ISOC2: variants seen among roughly 807,000 people sequenced by gnomAD.
ISOC2 encodes isochorismatase domain containing 2.
Under a neutral mutation model 19.3 loss-of-function variants are expected in ISOC2, and 15 were observed. The ratio of observed to expected loss-of-function variants is 0.78; its 90% CI spans 0.52 to 1.20. ISOC2 has a LOEUF of 1.20. ISOC2 is among the 50% of genes most tolerant of loss of function. The pLI is 0.00. For missense variants in ISOC2, 285 were observed against 272.4 expected (o/e 1.05, Z -0.33); for synonymous variants, 106 against 115.8 (o/e 0.92, Z 0.54).
At chr19:55,453,489 T>C in intron 5 of ISOC2, 101 bp from the exon 6 acceptor site, 1 of 792,940 alleles carries the variant, frequency 1.3e-6, no homozygotes, top group Non-Finnish European at 1.9e-6. Flanking sequence ...TCTCGGACCT[T>C]CTGGCTAGCA....
chr19:55,453,483 G>A (rs906871121), intron 5 of ISOC2, 95 bp from the exon 6 acceptor site: 35 of 844,256 alleles, frequency 4.1e-5, no homozygotes, highest in Non-Finnish European at 5.0e-5. Context: ...TTCATCTCTC[G>A]GACCTTCTGG....
At chr19:55,458,089 G>GAA (rs1986120961) in intron 1 of ISOC2, among the ~76,000 whole-genome samples, 1 of 151,216 alleles carries the variant, frequency 6.6e-6, no homozygotes, top group Non-Finnish European at 1.5e-5. Flanking sequence ...AAGAAAAGAA[G>GAA]AGAAAGAAAA....
chr19:55,458,105 ACAGGCTGGTGAAGCCACCTGGC>A (rs1986121881), intron 1 of ISOC2, among the ~76,000 whole-genome samples: 1 of 152,032 alleles, frequency 6.6e-6, no homozygotes, highest in African/African-American at 2.4e-5. Flanking sequence ...GAAAAAAAGG[ACAGGCTGGTGAAGCCACCTGGC>A]CAGCAATTCT....
Position 55,453,284 on chromosome 19 carries a change from C to A in ISOC2, c.*24G>T, listed in dbSNP as rs1985927564. On this transcript the variant is annotated 3_prime_UTR_variant, in exon 6 of 6. Transcript: ENST00000425675. ...GAGGTCCGGGTGACAGGAGGGTGGT[C>A]TTCCCTCAAGGCAGGGTTGGAGTTC... The A allele has an allele frequency of 6.4e-7, 1 of 1,573,546 alleles. No individual in the cohort carries two copies. Among genetic ancestry groups the A allele is most frequent in the African/African-American group, 1.4e-5 (1 of 73,470 alleles).
chr19:55,455,870 G>A (rs1201207572), intron 2 of ISOC2, 25 bp from the exon 3 acceptor site: 12 of 1,362,084 alleles, frequency 8.8e-6, no homozygotes, highest in Non-Finnish European at 1.2e-5. Flanking sequence ...GGGAAGAAAG[G>A]TCAGGGTCTG....
rs980743166 is a variant in ISOC2 at position 55,453,111 on chromosome 19, C to G, written c.*197G>C. On this transcript the variant is annotated 3_prime_UTR_variant, in exon 6 of 6. Transcript: ENST00000425675. Reference sequence around the variant, plus strand: ...CGCCTCCATCTTGGCTCAGCCAATTCCCACCCAGTTTCCAGGAGTCTCATT... The same window carrying G: ...CGCCTCCATCTTGGCTCAGCCAATTGCCACCCAGTTTCCAGGAGTCTCATT... 3.9e-6 allele frequency: 2 copies of G among 514,132 alleles called. No individual in the cohort carries two copies. The highest frequency in any genetic ancestry group is 4.0e-5 in the Admixed American group (1 of 25,268). The allele number at this position is 514,132 out of a possible 1,614,324, so 31.8% of individuals were successfully genotyped here. A position where few individuals can be genotyped will look rare whatever the true frequency, so the allele number is the denominator to read the frequency against.
Position 55,456,458 on chromosome 19 carries a change from C to A in ISOC2, c.29G>T (p.Arg10Leu). The A allele has an allele frequency of 6.2e-7, 1 of 1,613,206 alleles. No individual in the cohort carries two copies. The highest frequency in any genetic ancestry group is 8.5e-7 in the Non-Finnish European group (1 of 1,179,582). The stretch of plus-strand genomic sequence containing the variant: ...CAGGACAGAGGATCCTGGGAGGACT[C>A]GGCCCAGGCTGGGCCTGGCAGCCGC... MAAARPSLG[R>L]VLPGSSVLFL... Residue 10 changes from arginine (R) to leucine (L), a missense_variant, in exon 2 of 6, where the codon CGA becomes CTA. Physicochemically the swap from Arg to Leu is moderately radical, Grantham distance 102 (BLOSUM62 -2). Coordinates refer to ENST00000425675, the MANE Select transcript of ISOC2 (RefSeq NM_001136201.2).
At chr19:55,460,072 TC>T (rs1217356565) in intron 1 of ISOC2, 1 of 152,138 alleles carries the variant, frequency 6.6e-6, no homozygotes, top group African/African-American at 2.4e-5. Flanking sequence ...CTACAGACAT[TC>T]ATGTGAAACG....
chr19:55,458,081 G>T (rs1047523122), intron 1 of ISOC2, among the ~76,000 whole-genome samples: 17 of 151,172 alleles, frequency 1.1e-4, no homozygotes, highest in Admixed American at 1.3e-4. Context: ...AGAAAAGAAA[G>T]AAAAGAAGAG....
At position 55,453,200 on chromosome 19, in the gene ISOC2, C is replaced by A; in HGVS notation, c.*108G>T. 2 of 700,140 alleles carry A rather than the reference C, an allele frequency of 2.9e-6. No homozygotes were observed. Among genetic ancestry groups the A allele is most frequent in the Non-Finnish European group, 2.3e-6 (1 of 439,484 alleles). The allele number at this position is 700,140 out of a possible 1,614,324, so 43.4% of individuals were successfully genotyped here. A position where few individuals can be genotyped will look rare whatever the true frequency, so the allele number is the denominator to read the frequency against. On this transcript the variant is annotated 3_prime_UTR_variant, in exon 6 of 6. Coordinates refer to ENST00000425675, the MANE Select transcript of ISOC2 (RefSeq NM_001136201.2). ...CCCTGCCCCCCCCACAAGGGGGCGG[C>A]ACTCCTGGTGGATCGCACCACTCTT...
At position 55,453,218 on chromosome 19, in the gene ISOC2, C is replaced by A. The variant is rs991924094; in HGVS notation, c.*90G>T. The A allele has an allele frequency of 1.1e-5, 10 of 927,088 alleles. No individual in the cohort carries two copies. Among genetic ancestry groups the A allele is most frequent in the Non-Finnish European group, 1.6e-5 (10 of 623,884 alleles). The allele number at this position is 927,088 out of a possible 1,614,324, so 57.4% of individuals were successfully genotyped here. A position where few individuals can be genotyped will look rare whatever the true frequency, so the allele number is the denominator to read the frequency against. On this transcript the variant is annotated 3_prime_UTR_variant, in exon 6 of 6. Coordinates refer to ENST00000425675, the MANE Select transcript of ISOC2 (RefSeq NM_001136201.2). ...GGGGCGGCACTCCTGGTGGATCGCA[C>A]CACTCTTGGGATCCAGGGATGGGGG...
At chr19:55,458,704 T>A (rs1001681377) in intron 1 of ISOC2, among the ~76,000 whole-genome samples, 1 of 151,798 alleles carries the variant, frequency 6.6e-6, no homozygotes, top group South Asian at 2.1e-4. Flanking sequence ...ATTTTTGTAT[T>A]TTTAGTAGAG....
Position 55,455,846 on chromosome 19 carries a change from C to G in ISOC2, c.139-1G>C, listed in dbSNP as rs201058758. ...CTGGCACCTCAAGCAGCCGGGCCAC[C>G]TGTGCCAGTGATGGGGAAGAAAGGT... On this transcript the variant is annotated splice_acceptor_variant, in intron 2 of 5. Coordinates refer to ENST00000425675, the MANE Select transcript of ISOC2 (RefSeq NM_001136201.2). LOFTEE classifies it high-confidence loss of function. The G allele has an allele frequency of 6.3e-5, 95 of 1,497,440 alleles. No homozygotes were observed. Among genetic ancestry groups the G allele is most frequent in the Non-Finnish European group, 7.9e-5 (88 of 1,118,266 alleles). The allele number at this position is 1,497,440 out of a possible 1,614,324, so 92.8% of individuals were successfully genotyped here.
At position 55,453,025 on chromosome 19, in the gene ISOC2, C is replaced by G; in HGVS notation, c.*283G>C. ...GTTTATTCTGCGAGTCCGTGTCCCA[C>G]AGTCTGAGACTCTTCTTCCCCTCCC... On this transcript the variant is annotated 3_prime_UTR_variant, in exon 6 of 6. Coordinates refer to ENST00000425675, the MANE Select transcript of ISOC2 (RefSeq NM_001136201.2). 1 of 353,582 alleles carries G rather than the reference C, an allele frequency of 2.8e-6. No individual in the cohort carries two copies. Among genetic ancestry groups the G allele is most frequent in the Non-Finnish European group, 5.1e-6 (1 of 195,206 alleles). 21.9% of individuals were successfully genotyped at this position (353,582 alleles called of 1,614,324 possible).
intron 1 of ISOC2, among the ~76,000 whole-genome samples, chr19:55,456,909 G>A (rs2123381395): frequency 6.6e-6 from 1 of 152,232 alleles, no homozygotes; most frequent in Admixed American, 6.5e-5. Flanking sequence ...ATCCACCCCA[G>A]TCACCATCCG....
At chr19:55,458,002 C>T (rs929099504) in intron 1 of ISOC2, among the ~76,000 whole-genome samples, 40 of 150,478 alleles carry the variant, frequency 2.7e-4, no homozygotes, top group African/African-American at 8.6e-4. Flanking sequence ...TGCCACTCCA[C>T]TGCATTTTCA....
At position 55,456,131 on chromosome 19, in the gene ISOC2, G is replaced by A. The variant is rs139415223; in HGVS notation, c.138+218C>T. The A allele has an allele frequency of 1.0e-3, 615 of 594,238 alleles. 5 individuals are homozygous for A. The African/African-American group carries it at 0.011, about 10-fold the overall frequency. 36.8% of individuals were successfully genotyped at this position (594,238 alleles called of 1,614,324 possible). ...TGGGCCTGGACGCCTGGGTCTGAGG[G>A]TGGAGGGCTGAGCCTGGATCCTGGG... On this transcript the variant is annotated intron_variant, in intron 2 of 5. Transcript: ENST00000425675.
intron 2 of ISOC2, 70 bp from the exon 3 acceptor site, chr19:55,455,915 G>A (rs1986041553): frequency 7.3e-7 from 1 of 1,364,294 alleles, no homozygotes; most frequent in Non-Finnish European, 1.0e-6. Flanking sequence ...TCCTGGGTCT[G>A]AGGGAGGAGG....
At position 55,453,062 on chromosome 19, in the gene ISOC2, G is replaced by C. The variant is rs567211279; in HGVS notation, c.*246C>G. 1,693 of 431,006 alleles carry C rather than the reference G, an allele frequency of 3.9e-3. 4 individuals are homozygous for C. The highest frequency in any genetic ancestry group is 5.8e-3 in the Non-Finnish European group (1,411 of 242,180). 26.7% of individuals were successfully genotyped at this position (431,006 alleles called of 1,614,324 possible). ...CTTCTTCCCCTCCCCTTCCCGCCCC[G>C]TGAAGTGGCCCGGGGCCGAGCCCCG... On this transcript the variant is annotated 3_prime_UTR_variant, in exon 6 of 6. Transcript: ENST00000425675.
Sources: gnomAD v4.1 joint callset for allele counts (sites outside exome capture counted in the v4.1 genomes callset) on GRCh38, gnomAD v4.1.1 for gene constraint, MANE v1.5 for transcripts, NCBI Gene and HGNC (gene_info 2026-07-23, HGNC 2026-07-21) for gene names.